Variants in TMCC1 observed in about 807,000 individuals in gnomAD.
The protein encoded by TMCC1 is transmembrane and coiled-coil domains protein 1.
Under a neutral mutation model 52.4 loss-of-function variants are expected in TMCC1, and 15 were observed. The observed-to-expected ratio is 0.29, with a 90% CI of 0.19 to 0.44. The LOEUF is 0.44. TMCC1 is among the 20% of genes least tolerant of loss of function. The pLI is 1.00. For synonymous variants in TMCC1, 279 were observed against 301.9 expected, an observed-to-expected ratio of 0.92 and a Z score of 0.79; for missense variants, 503 against 806.0, an observed-to-expected ratio of 0.62 and a Z score of 4.55.
intron 4 of TMCC1, among the ~76,000 whole-genome samples, chr3:129,810,998 TTAAATG>T (rs1398110722): frequency 6.6e-6 from 1 of 152,336 alleles, no homozygotes; most frequent in Non-Finnish European, 1.5e-5. Flanking sequence ...AAATGGTTAT[TTAAATG>T]TGCATTTGCA....
intron 5 of TMCC1, among the ~76,000 whole-genome samples, chr3:129,668,157 C>T (rs1361606037): frequency 6.6e-6 from 1 of 152,124 alleles, no homozygotes; most frequent in Non-Finnish European, 1.5e-5. Flanking sequence ...CACTGCACTC[C>T]AGCATGGGCA....
intron 2 of TMCC1, among the ~76,000 whole-genome samples, chr3:129,855,862 A>C (rs1229599541): frequency 6.6e-6 from 1 of 152,234 alleles, no homozygotes; most frequent in Admixed American, 6.5e-5. Flanking sequence ...AAAATGTAAG[A>C]TCCTGTTTTA....
chr3:129,772,529 C>T (rs78558249), intron 4 of TMCC1, among the ~76,000 whole-genome samples: 6,386 of 151,400 alleles, frequency 0.042, 586 homozygotes, highest in East Asian at 0.39. Context: ...TCCTGGCTAA[C>T]ACGGTGAAAC....
chr3:129,747,061 G>T (rs554897726), intron 4 of TMCC1, among the ~76,000 whole-genome samples: 1 of 152,098 alleles, frequency 6.6e-6, no homozygotes, highest in Non-Finnish European at 1.5e-5. Context: ...GCATTAAAAG[G>T]TATTCAATAA....
intron 4 of TMCC1, among the ~76,000 whole-genome samples, chr3:129,774,456 G>A (rs2054863845): frequency 6.6e-6 from 1 of 152,118 alleles, no homozygotes; most frequent in Non-Finnish European, 1.5e-5. Context: ...TCTAGAAGCT[G>A]GAAATAAAAT....
chr3:129,871,508 T>C (rs936290755), intron 2 of TMCC1, among the ~76,000 whole-genome samples: 13 of 152,178 alleles, frequency 8.5e-5, no homozygotes, highest in Admixed American at 5.2e-4. Flanking sequence ...TTAGTATCAT[T>C]TATAAATTTT....
rs1341033342 is a variant in TMCC1 at position 129,651,712 on chromosome 3, C to T, written c.1731G>A (p.Leu577=). ...GAAGGTTCCGGGCAGTGGCATTCTC[C>T]AGCCCTTCTAGCTGCACCACCTGCT... ...QQQQVVQLEG[L]ENATARNLLG... is the part of the protein sequence containing the mutation. Residue 577 remains leucine, a synonymous_variant, in exon 7 of 7, where the codon CTG becomes CTA. Coordinates refer to ENST00000393238, the MANE Select transcript of TMCC1 (RefSeq NM_001017395.5). The surrounding 1 kb of genome is among the most constrained non-coding windows in gnomAD (Gnocchi z 5.1). The T allele has an allele frequency of 1.9e-6, 3 of 1,614,198 alleles. No individual in the cohort carries two copies. The South Asian group carries it at 3.3e-5, about 18-fold the overall frequency.
intron 4 of TMCC1, among the ~76,000 whole-genome samples, chr3:129,702,279 C>A (rs1576501646): frequency 6.8e-6 from 1 of 148,106 alleles, no homozygotes; most frequent in African/African-American, 2.5e-5. Flanking sequence ...GAAAATAATA[C>A]ATGTTGCTGT....
intron 2 of TMCC1, among the ~76,000 whole-genome samples, chr3:129,878,696 T>C (rs1331031173): frequency 6.6e-6 from 1 of 152,226 alleles, no homozygotes; most frequent in Non-Finnish European, 1.5e-5. Flanking sequence ...AAAGACTTCC[T>C]ATTTTGCTCA....
At chr3:129,813,354 C>T (rs1000211435) in intron 4 of TMCC1, among the ~76,000 whole-genome samples, 6 of 152,132 alleles carry the variant, frequency 3.9e-5, no homozygotes, top group African/African-American at 4.8e-5. Flanking sequence ...AAGACACATG[C>T]ACATGTATGT....
intron 4 of TMCC1, among the ~76,000 whole-genome samples, chr3:129,683,343 TG>T (rs2089162337): frequency 6.6e-6 from 1 of 152,186 alleles, no homozygotes; most frequent in African/African-American, 2.4e-5. Flanking sequence ...GTCTAGTAGC[TG>T]GGCATGTTTG....
chr3:129,783,775 C>T (rs1202562742), intron 4 of TMCC1, among the ~76,000 whole-genome samples: 1 of 152,144 alleles, frequency 6.6e-6, no homozygotes, highest in Non-Finnish European at 1.5e-5. Flanking sequence ...ATTAAATGGT[C>T]TGTCTAAAAT....
intron 4 of TMCC1, among the ~76,000 whole-genome samples, chr3:129,810,085 G>A (rs2057717960): frequency 1.3e-5 from 2 of 152,150 alleles, no homozygotes; most frequent in African/African-American, 4.8e-5. Context: ...GGCTGGATGC[G>A]GTAGCTCACA....
intron 4 of TMCC1, among the ~76,000 whole-genome samples, chr3:129,734,528 A>G (rs1349407275): frequency 1.3e-5 from 2 of 152,080 alleles, no homozygotes; most frequent in Non-Finnish European, 2.9e-5. Context: ...ACTACAAACA[A>G]TATAAAAATT....
intron 4 of TMCC1, chr3:129,688,336 A>T: frequency 1.0e-6 from 1 of 985,238 alleles, no homozygotes; most frequent in Non-Finnish European, 1.2e-6. Flanking sequence ...ACTGCAGAGG[A>T]GCTGTGGCAT....
intron 4 of TMCC1, among the ~76,000 whole-genome samples, chr3:129,695,985 C>A (rs1227239499): frequency 1.3e-5 from 2 of 152,154 alleles, no homozygotes; most frequent in East Asian, 1.9e-4. Context: ...AAATATTTTA[C>A]CCCAAAACAT....
At position 129,762,023 on chromosome 3, in the gene TMCC1, A is replaced by G. The variant is rs1292046965; in HGVS notation, c.576+65780T>C. Among the ~76,000 whole-genome samples the G allele has an allele frequency of 1.7e-4, 25 of 144,448 alleles. No individual in the cohort carries two copies. In the East Asian group the frequency reaches 5.6e-3, roughly 33 times the overall value. The allele number at this position is 144,448 out of a possible 152,430, so 94.8% of individuals were successfully genotyped here. A position where few individuals can be genotyped will look rare whatever the true frequency, so the allele number is the denominator to read the frequency against. The stretch of plus-strand genomic sequence containing the variant: ...AAAAAAAAAAAGTACTAGTAGAATG[A>G]GATTAGATTTCTAACTTTTTTTTTT... On this transcript the variant is annotated intron_variant, in intron 4 of 6. Transcript: ENST00000393238.
At chr3:129,762,009 G>A (rs1222147597) in intron 4 of TMCC1, among the ~76,000 whole-genome samples, 10 of 65,306 alleles carry the variant, frequency 1.5e-4, no homozygotes, top group African/African-American at 1.8e-4. Context: ...AAAAAAAAAA[G>A]TACTAGTAGA....
intron 5 of TMCC1, among the ~76,000 whole-genome samples, chr3:129,668,525 T>C (rs2087654778): frequency 6.6e-6 from 1 of 152,218 alleles, no homozygotes; most frequent in African/African-American, 2.4e-5. Context: ...TTAGGTTTAA[T>C]ATGGTACAAA....
Sources: allele counts gnomAD v4.1 joint callset (sites outside exome capture counted in the v4.1 genomes callset), GRCh38; gene constraint gnomAD v4.1.1; non-coding constraint Gnocchi (gnomAD v3.1); transcripts MANE v1.5; gene names NCBI Gene and HGNC (gene_info 2026-07-23, HGNC 2026-07-21).